Variants in ATP13A4 observed in about 807,000 individuals in gnomAD.
ATP13A4 encodes ATPase 13A4, also known as probable cation-transporting ATPase 13A4.
In ATP13A4, 114 loss-of-function variants were observed where a neutral mutation model predicts 142.5. That is an observed-to-expected ratio of 0.80 (90% CI 0.69 to 0.93). The LOEUF is 0.93. Ranked by LOEUF, ATP13A4 falls within the 40% of genes least tolerant of loss-of-function variation. The pLI is 0.00. For missense variants in ATP13A4, 1,392 were observed against 1,454.0 expected (o/e 0.96, Z 0.69); for synonymous variants, 488 against 514.8 (o/e 0.95, Z 0.70).
intron 18 of ATP13A4, 129 bp from the exon 19 acceptor site, chr3:193,442,685 A>T (rs9849997): frequency 0.75 from 696,840 of 923,228 alleles, 264,696 homozygotes; most frequent in Admixed American, 0.78. Context: ...TCTGATATCT[A>T]TTTCAGCCCT....
intron 9 of ATP13A4, among the ~76,000 whole-genome samples, chr3:193,468,136 G>A (rs189780614): frequency 2.0e-5 from 3 of 152,242 alleles, no homozygotes; most frequent in African/African-American, 7.2e-5. Flanking sequence ...CCAAGATTGT[G>A]CCATTGCACT....
At chr3:193,443,426 A>G (rs1465256300) in intron 18 of ATP13A4, among the ~76,000 whole-genome samples, 3 of 152,210 alleles carry the variant, frequency 2.0e-5, no homozygotes, top group East Asian at 1.9e-4. Flanking sequence ...TCATAGCAAA[A>G]GATTTTATAT....
intron 1 of ATP13A4, among the ~76,000 whole-genome samples, chr3:193,527,781 A>C (rs1030684437): frequency 1.3e-5 from 2 of 152,118 alleles, no homozygotes; most frequent in Admixed American, 1.3e-4. Flanking sequence ...TAAATTATCC[A>C]GTCTCAGGAA....
intron 18 of ATP13A4, 95 bp from the exon 19 acceptor site, chr3:193,442,651 T>G: frequency 8.0e-7 from 1 of 1,247,508 alleles, no homozygotes; most frequent in African/African-American, 1.5e-5. Context: ...TCAGTCCTTA[T>G]TTCAGGTATG....
chr3:193,576,558 A>G (rs1014166888), intron 2 of ATP13A4, among the ~76,000 whole-genome samples: 2 of 152,118 alleles, frequency 1.3e-5, no homozygotes, highest in African/African-American at 4.8e-5. Flanking sequence ...GGCGTGAGCC[A>G]CCGCGCCCGG....
At chr3:193,403,029 G>A (rs1367848282) in intron 29 of ATP13A4, among the ~76,000 whole-genome samples, 165 bp from the exon 30 acceptor site, 1 of 152,104 alleles carries the variant, frequency 6.6e-6, no homozygotes, top group African/African-American at 2.4e-5. Context: ...GACAGGTATT[G>A]GTTTCTCAAA....
intron 1 of ATP13A4, among the ~76,000 whole-genome samples, chr3:193,524,813 A>C (rs1163805766): frequency 6.6e-6 from 1 of 152,202 alleles, no homozygotes; most frequent in Non-Finnish European, 1.5e-5. Flanking sequence ...GGGGGAAATT[A>C]GACTTCAGGC....
intron 25 of ATP13A4, among the ~76,000 whole-genome samples, chr3:193,428,712 G>A: frequency 6.7e-6 from 1 of 148,334 alleles, no homozygotes; most frequent in Non-Finnish European, 1.5e-5. Flanking sequence ...AGCACCGCGT[G>A]TTCTCACTTA....
At chr3:193,477,514 A>G (rs1047794476) in intron 8 of ATP13A4, among the ~76,000 whole-genome samples, 2 of 152,118 alleles carry the variant, frequency 1.3e-5, no homozygotes, top group South Asian at 2.1e-4. Context: ...TCCAACCAAG[A>G]GAGAATAAAA....
chr3:193,525,450 G>C (rs574195406), intron 1 of ATP13A4, among the ~76,000 whole-genome samples: 2 of 152,108 alleles, frequency 1.3e-5, no homozygotes, highest in South Asian at 4.2e-4. Flanking sequence ...TTATCCCTGG[G>C]TATCATTTGC....
intron 25 of ATP13A4, among the ~76,000 whole-genome samples, chr3:193,423,344 T>C (rs1457099267): frequency 1.3e-5 from 2 of 149,412 alleles, no homozygotes; most frequent in Non-Finnish European, 3.0e-5. Context: ...AAGGAGCAAA[T>C]ACTTCCAAAC....
At position 193,459,135 on chromosome 3, in the gene ATP13A4, A is replaced by G. The variant is rs557795168; in HGVS notation, c.1620T>C (p.Asp540=). ...MASCHSLILL[D]GTIQGDPLDL... The stretch of plus-strand genomic sequence containing the variant: ...CCAGAGGGTCTCCCTGGATGGTCCC[A>G]TCAAGAAGGATCAGAGAGTGGCAGC... Residue 540 remains aspartate (D), a synonymous_variant, in exon 14 of 30, where the codon GAT becomes GAC. Transcript: ENST00000342695. The G allele has an allele frequency of 6.2e-7, 1 of 1,614,232 alleles. No individual in the cohort carries two copies. The highest frequency in any genetic ancestry group is 1.1e-5 in the South Asian group (1 of 91,090).
chr3:193,458,483 A>C (rs2108637098), intron 14 of ATP13A4: 1 of 158,502 alleles, frequency 6.3e-6, no homozygotes, highest in South Asian at 1.9e-4. Flanking sequence ...AATGGGATTC[A>C]GCAGTCAGTT....
In ATP13A4 at chr3:193,458,786, CATA is replaced by C. The variant is rs1717781886; in HGVS notation, c.1674+292_1674+294del. 27 of 591,672 alleles carry C rather than the reference CATA, an allele frequency of 4.6e-5. No homozygotes were observed. In the South Asian group the frequency reaches 5.6e-4, roughly 12 times the overall value. The allele number at this position is 591,672 out of a possible 1,614,324, so 36.7% of individuals were successfully genotyped here. ...AGTACAGAGAGACAAGAAATAACTGCATAATAAGTACAATTATATTAATATGAT... is the reference window on the plus strand; with the variant it reads ...AGTACAGAGAGACAAGAAATAACTGCATAAGTACAATTATATTAATATGAT... On this transcript the variant is annotated intron_variant, in intron 14 of 29. Coordinates refer to ENST00000342695, the MANE Select transcript of ATP13A4 (RefSeq NM_032279.4).
intron 1 of ATP13A4, among the ~76,000 whole-genome samples, chr3:193,533,704 A>T (rs984877948): frequency 6.6e-6 from 1 of 152,224 alleles, no homozygotes; most frequent in African/African-American, 2.4e-5. Context: ...AAAAAACATG[A>T]CCTGGTCCCA....
chr3:193,454,515 T>G (rs2108633918), intron 16 of ATP13A4, among the ~76,000 whole-genome samples: 1 of 152,334 alleles, frequency 6.6e-6, no homozygotes, highest in African/African-American at 2.4e-5. Flanking sequence ...CTGGCAGGCA[T>G]TGGCTATGCA....
At chr3:193,498,933 T>TA (rs1720391111) in intron 3 of ATP13A4, among the ~76,000 whole-genome samples, 1 of 152,234 alleles carries the variant, frequency 6.6e-6, no homozygotes, top group Non-Finnish European at 1.5e-5. Context: ...AAGTGCTCAA[T>TA]ACATTTTTTT....
intron 3 of ATP13A4, among the ~76,000 whole-genome samples, chr3:193,497,386 T>G (rs908780818): frequency 2.0e-5 from 3 of 152,090 alleles, no homozygotes; most frequent in Non-Finnish European, 4.4e-5. Flanking sequence ...TCACTCCAGT[T>G]AGAATGCTAT....
intron 1 of ATP13A4, among the ~76,000 whole-genome samples, chr3:193,535,177 G>A (rs539048544): frequency 2.6e-5 from 4 of 152,204 alleles, no homozygotes; most frequent in African/African-American, 7.2e-5. Context: ...ATCATCAACC[G>A]ACAGAACTTA....
Sources: allele counts gnomAD v4.1 joint callset (sites outside exome capture counted in the v4.1 genomes callset), GRCh38; gene constraint gnomAD v4.1.1; transcripts MANE v1.5; gene names NCBI Gene and HGNC (gene_info 2026-07-23, HGNC 2026-07-21).